The following PDLIM5 variants were observed in gnomAD, a reference collection of about 807,000 sequenced individuals.
The protein encoded by PDLIM5 is PDZ and LIM domain protein 5.
PDLIM5 carries 34 observed loss-of-function variants against 64.2 expected under a neutral mutation model. The observed-to-expected ratio is 0.53, with a 90% CI of 0.40 to 0.71. The LOEUF (loss-of-function observed/expected upper bound fraction) is 0.71. PDLIM5 is among the 30% of genes least tolerant of loss of function. The probability of loss-of-function intolerance (pLI) is 0.00; values close to 1 mark genes in which losing one functional copy is unlikely to be tolerated. For synonymous variants in PDLIM5, 253 were observed against 269.1 expected (o/e 0.94, Z 0.59); for missense variants, 683 against 733.6 (o/e 0.93, Z 0.80).
intron 7 of PDLIM5, chr4:94,588,001 A>C: frequency 1.2e-5 from 12 of 972,296 alleles, no homozygotes; most frequent in Non-Finnish European, 1.5e-5. Context: ...CAATACATGG[A>C]AGCTAAATAT....
Position 94,618,614 on chromosome 4 carries a change from G to C in PDLIM5, c.1108+423G>C, listed in dbSNP as rs181108781. Among the ~76,000 whole-genome samples the C allele has an allele frequency of 1.8e-3, 281 of 152,258 alleles. 1 individual carries two copies. Among genetic ancestry groups the C allele is most frequent in the African/African-American group, 6.6e-3 (273 of 41,568 alleles). On this transcript the variant is annotated intron_variant, in intron 8 of 12. Transcript: ENST00000317968. Reference sequence around the variant, plus strand: ...CTGAAGAAAGCATCTTCCAATTCTTGTTCTTACAGTTTATGTAGCATAGGG... The same window carrying C: ...CTGAAGAAAGCATCTTCCAATTCTTCTTCTTACAGTTTATGTAGCATAGGG...
intron 3 of PDLIM5, among the ~76,000 whole-genome samples, chr4:94,540,825 T>C (rs1731743939): frequency 1.3e-5 from 2 of 152,252 alleles, no homozygotes; most frequent in African/African-American, 4.8e-5. Context: ...CTCATTCATT[T>C]AAAACTTATT....
intron 7 of PDLIM5, among the ~76,000 whole-genome samples, chr4:94,604,662 A>T (rs924846295): frequency 2.0e-5 from 3 of 152,104 alleles, no homozygotes; most frequent in African/African-American, 7.2e-5. Context: ...AGTCATCTTC[A>T]TAGAAACAGT....
At chr4:94,635,483 CAAGT>C (rs1228822506) in intron 8 of PDLIM5, among the ~76,000 whole-genome samples, 6 of 152,034 alleles carry the variant, frequency 3.9e-5, no homozygotes, top group African/African-American at 1.4e-4. Flanking sequence ...ACTGTGATGA[CAAGT>C]AGATTGTCAT....
Position 94,654,570 on chromosome 4 carries a change from T to C in PDLIM5, c.1394T>C (p.Leu465Pro), listed in dbSNP as rs1280677103. The change falls in exon 10 of 13, where the codon CTG becomes CCG. Residue 465 changes from leucine to proline, a missense_variant. Leu to Pro is a moderately conservative substitution (Grantham distance 98, BLOSUM62 -3). Transcript: ENST00000317968. ...YIGFVEEKGA[L>P]YCELCYEKFF... is the part of the protein sequence containing the mutation. ...GGATTTGTAGAGGAGAAAGGAGCCC[T>C]GTATTGTGAGCTGTGCTATGAGAAA... is the stretch of plus-strand genomic sequence containing the variant. 14 of 1,612,346 alleles carry C rather than the reference T, an allele frequency of 8.7e-6. No homozygotes were observed. Among genetic ancestry groups the C allele is most frequent in the African/African-American group, 1.3e-5 (1 of 74,886 alleles).
chr4:94,628,996 A>G (rs932575594), intron 8 of PDLIM5, among the ~76,000 whole-genome samples: 3 of 151,942 alleles, frequency 2.0e-5, no homozygotes, highest in African/African-American at 7.3e-5. Flanking sequence ...CTCCTACAAT[A>G]AAAGCATAGA....
rs1743164400 is a variant in PDLIM5, at chr4:94,668,072, A to T, written c.*4005A>T. Reference sequence around the variant, plus strand: ...AATGTATAAGTTGCCTTATCTGTTAATGTCTATCTTCTGTCTCTTTAATTT... The same window carrying T: ...AATGTATAAGTTGCCTTATCTGTTATTGTCTATCTTCTGTCTCTTTAATTT... On this transcript the variant is annotated 3_prime_UTR_variant, in exon 13 of 13. Coordinates refer to ENST00000317968, the MANE Select transcript of PDLIM5 (RefSeq NM_006457.5). The T allele has an allele frequency of 6.6e-6, 1 of 152,166 alleles. No homozygotes were observed. Among genetic ancestry groups the T allele is most frequent in the African/African-American group, 2.4e-5 (1 of 41,454 alleles). The allele number at this position is 152,166 out of a possible 1,614,324, so 9.4% of individuals were successfully genotyped here.
chr4:94,516,853 A>T (rs1041549570), intron 2 of PDLIM5, among the ~76,000 whole-genome samples: 1 of 152,162 alleles, frequency 6.6e-6, no homozygotes, highest in African/African-American at 2.4e-5. Context: ...TTTAAGAGGG[A>T]TGTTTACATT....
In PDLIM5 at chr4:94,575,605, G is replaced by A; in HGVS notation, c.292-11G>A. 6.6e-7 allele frequency: 1 copy of A among 1,516,998 alleles called. No homozygotes were observed. The highest frequency in any genetic ancestry group is 1.3e-5 in the South Asian group (1 of 77,118). The allele number at this position is 1,516,998 out of a possible 1,614,324, so 94.0% of individuals were successfully genotyped here. A position where few individuals can be genotyped will look rare whatever the true frequency, so the allele number is the denominator to read the frequency against. The stretch of plus-strand genomic sequence containing the variant: ...TGTGGTTTTGTGTATGTTTATTTTT[G>A]TTTTACATAGGGAGAACCTAAAGAA... On this transcript the variant is annotated splice_polypyrimidine_tract_variant and intron_variant, in intron 4 of 12. Coordinates refer to ENST00000317968, the MANE Select transcript of PDLIM5 (RefSeq NM_006457.5).
At chr4:94,659,089 A>G (rs1033575269) in intron 11 of PDLIM5, among the ~76,000 whole-genome samples, 2 of 152,210 alleles carry the variant, frequency 1.3e-5, no homozygotes, top group Admixed American at 1.3e-4. Context: ...GAAAAACATT[A>G]TTGAATATTT....
chr4:94,539,980 T>G (rs571287456), intron 3 of PDLIM5, among the ~76,000 whole-genome samples: 1 of 152,202 alleles, frequency 6.6e-6, no homozygotes, highest in South Asian at 2.1e-4. Flanking sequence ...GTGGAAGAGT[T>G]TTTTGTAAGG....
chr4:94,585,292 G>C (rs904571268), intron 5 of PDLIM5, among the ~76,000 whole-genome samples: 11 of 151,848 alleles, frequency 7.2e-5, no homozygotes, highest in African/African-American at 2.4e-4. Flanking sequence ...GAGTTTCACT[G>C]TGTTAGCCAG....
chr4:94,502,602 C>T (rs144881758), intron 2 of PDLIM5, among the ~76,000 whole-genome samples: 10 of 152,222 alleles, frequency 6.6e-5, no homozygotes, highest in Middle Eastern at 3.4e-3. Context: ...TAAGGCCGGG[C>T]GCAGTGGCTC....
At chr4:94,657,335 C>G (rs1460343604) in intron 10 of PDLIM5, 92 bp from the exon 11 acceptor site, 1 of 889,620 alleles carries the variant, frequency 1.1e-6, no homozygotes, top group Non-Finnish European at 1.8e-6. Context: ...TGGATTAGCT[C>G]TACAGGGATT....
At chr4:94,474,440 G>A (rs962161442) in intron 2 of PDLIM5, among the ~76,000 whole-genome samples, 11 of 151,854 alleles carry the variant, frequency 7.2e-5, no homozygotes, top group Admixed American at 1.3e-4. Flanking sequence ...TAGTAGAGAC[G>A]GGGTTTCACC....
At chr4:94,625,292 ACT>A (rs764555023) in intron 8 of PDLIM5, among the ~76,000 whole-genome samples, 6 of 152,074 alleles carry the variant, frequency 3.9e-5, no homozygotes, top group Non-Finnish European at 8.8e-5. Context: ...AGCCCTGTTT[ACT>A]CTCATGTCCC....
At chr4:94,504,044 C>A (rs1280006652) in intron 2 of PDLIM5, among the ~76,000 whole-genome samples, 1 of 152,052 alleles carries the variant, frequency 6.6e-6, no homozygotes, top group Admixed American at 6.6e-5. Flanking sequence ...GGCTAGGAGA[C>A]CTCCTACTCC....
rs188678380 is a variant in PDLIM5, at chr4:94,475,548, C to A, written c.96+20164C>A. 4.9e-4 allele frequency among the ~76,000 whole-genome samples: 75 copies of A among 152,064 alleles called. 2 individuals carry two copies. In the East Asian group the frequency reaches 0.014, roughly 29 times the overall value. ...TTTCAACTTAAAAGTTGTAGTCTTT[C>A]TTTAAATGAAAATAAAAATAAAAAC... On this transcript the variant is annotated intron_variant, in intron 2 of 12. Transcript: ENST00000317968.
chr4:94,513,583 A>T (rs557268706), intron 2 of PDLIM5, among the ~76,000 whole-genome samples: 1 of 152,100 alleles, frequency 6.6e-6, no homozygotes, highest in Non-Finnish European at 1.5e-5. Context: ...AACTTTACTG[A>T]ATTTGTTTAT....
Sources: gnomAD v4.1 joint callset for allele counts (sites outside exome capture counted in the v4.1 genomes callset) on GRCh38, gnomAD v4.1.1 for gene constraint, MANE v1.5 for transcripts, NCBI Gene and HGNC (gene_info 2026-07-23, HGNC 2026-07-21) for gene names.